COL24A1: variants seen among roughly 807,000 people sequenced by gnomAD.
COL24A1 encodes the protein collagen type XXIV alpha 1 chain.
In COL24A1, 224 loss-of-function variants were observed where a neutral mutation model predicts 253.9. The observed-to-expected ratio is 0.88, with a 90% CI of 0.79 to 0.99. COL24A1 has a LOEUF of 0.99. COL24A1 is among the 50% of genes least tolerant of loss of function. The pLI is 0.00. For synonymous variants in COL24A1, 685 were observed against 673.7 expected (o/e 1.02, Z -0.26); for missense variants, 2,131 against 2,068.5 (o/e 1.03, Z -0.59).
At chr1:85,806,008 G>A (rs1484437521) in intron 47 of COL24A1, among the ~76,000 whole-genome samples, 13 of 151,194 alleles carry the variant, frequency 8.6e-5, no homozygotes, top group East Asian at 1.9e-4. Flanking sequence ...CCAAGGGGGC[G>A]GAGCTTGCAG....
chr1:85,798,801 A>G (rs1484784097), intron 47 of COL24A1, among the ~76,000 whole-genome samples: 1 of 152,206 alleles, frequency 6.6e-6, no homozygotes, highest in African/African-American at 2.4e-5. Context: ...CAAGATTGAA[A>G]GGCCTTGATT....
chr1:86,070,790 A>G (rs762901665), intron 7 of COL24A1, among the ~76,000 whole-genome samples: 4 of 152,186 alleles, frequency 2.6e-5, no homozygotes, highest in Admixed American at 6.5e-5. Flanking sequence ...AACAAAAGTT[A>G]ATGGATTCCA....
chr1:86,136,167 T>C (rs1650221822), intron 2 of COL24A1, among the ~76,000 whole-genome samples: 2 of 152,202 alleles, frequency 1.3e-5, no homozygotes, highest in South Asian at 4.1e-4. Context: ...AGTGAGTAGA[T>C]TTTTGCATTT....
intron 47 of COL24A1, among the ~76,000 whole-genome samples, chr1:85,806,886 C>G (rs1314080152): frequency 1.3e-5 from 2 of 152,180 alleles, no homozygotes; most frequent in African/African-American, 2.4e-5. Flanking sequence ...CCTGTAGTCA[C>G]AAGGCAGATA....
At chr1:85,883,624 A>G (rs1682130041) in intron 32 of COL24A1, 1 of 152,020 alleles carries the variant, frequency 6.6e-6, no homozygotes, top group South Asian at 2.1e-4. Flanking sequence ...GCCACTCTAG[A>G]GTTTGCAATA....
At chr1:85,942,053 T>C in intron 24 of COL24A1, among the ~76,000 whole-genome samples, 1 of 152,166 alleles carries the variant, frequency 6.6e-6, no homozygotes, top group East Asian at 1.9e-4. Flanking sequence ...TTTACTTGTT[T>C]AAGTTATGAA....
chr1:85,822,685 T>C (rs1673776347), intron 45 of COL24A1, among the ~76,000 whole-genome samples: 1 of 152,190 alleles, frequency 6.6e-6, no homozygotes, highest in Admixed American at 6.5e-5. Flanking sequence ...GGTCAAACTT[T>C]AGTCAGGCTC....
At chr1:86,072,640 G>A (rs1257994531) in intron 7 of COL24A1, among the ~76,000 whole-genome samples, 2 of 152,164 alleles carry the variant, frequency 1.3e-5, no homozygotes, top group Non-Finnish European at 2.9e-5. Context: ...TCTACTAAGG[G>A]ATAGACTGCC....
intron 24 of COL24A1, among the ~76,000 whole-genome samples, chr1:85,958,220 T>C (rs766386505): frequency 1.3e-5 from 2 of 152,224 alleles, no homozygotes; most frequent in South Asian, 2.1e-4. Context: ...AATTATGTTA[T>C]ATTGCATATT....
At chr1:86,143,229 T>C (rs980734576) in intron 2 of COL24A1, among the ~76,000 whole-genome samples, 7 of 152,166 alleles carry the variant, frequency 4.6e-5, no homozygotes, top group Non-Finnish European at 1.0e-4. Context: ...AAACTCCATC[T>C]AACACAGATA....
At position 86,088,831 on chromosome 1, in the gene COL24A1, T is replaced by C. The variant is rs188340627; in HGVS notation, c.1707+343A>G. On this transcript the variant is annotated intron_variant, in intron 7 of 59. Transcript: ENST00000370571. Reference sequence around the variant, plus strand: ...TCAGAAGTAGGTCATTTCCCTAATATAGTTTTAAAAAGGAAAGCTTCAATA... The same window carrying C: ...TCAGAAGTAGGTCATTTCCCTAATACAGTTTTAAAAAGGAAAGCTTCAATA... Among the ~76,000 whole-genome samples, 3 of 151,374 alleles carry C rather than the reference T, an allele frequency of 2.0e-5. No individual in the cohort carries two copies. In the East Asian group the frequency reaches 5.8e-4, roughly 29 times the overall value.
Position 86,022,234 on chromosome 1 carries a change from AC to A in COL24A1, c.2256+5del. 6.2e-7 allele frequency: 1 copy of A among 1,612,662 alleles called. No individual in the cohort carries two copies. Among genetic ancestry groups the A allele is most frequent in the South Asian group, 1.1e-5 (1 of 91,058 alleles). On this transcript the variant is annotated splice_donor_5th_base_variant and intron_variant, in intron 18 of 59. Transcript: ENST00000370571. The stretch of plus-strand genomic sequence containing the variant: ...TACAAAGAGCAAAGCAAAAGTTCAA[AC>A]CTACTGAAGGCCCTGACTTTCCTCT...
intron 20 of COL24A1, among the ~76,000 whole-genome samples, chr1:85,984,308 T>C (rs1046078096): frequency 6.6e-6 from 1 of 151,822 alleles, no homozygotes; most frequent in African/African-American, 2.4e-5. Flanking sequence ...AAGTACATAT[T>C]TCTCAATTAC....
At chr1:86,131,749 T>C (rs1371334635) in intron 2 of COL24A1, among the ~76,000 whole-genome samples, 3 of 152,142 alleles carry the variant, frequency 2.0e-5, no homozygotes, top group Non-Finnish European at 4.4e-5. Context: ...ATTTTCTTAA[T>C]CCAGTCTATC....
intron 7 of COL24A1, among the ~76,000 whole-genome samples, chr1:86,082,597 C>T (rs4912462): frequency 0.34 from 49,120 of 146,218 alleles, 8,679 homozygotes; most frequent in Middle Eastern, 0.48. Context: ...AATTTATTTA[C>T]GTAATATATA....
intron 9 of COL24A1, among the ~76,000 whole-genome samples, chr1:86,058,892 C>T (rs1376039664): frequency 6.6e-6 from 1 of 151,970 alleles, no homozygotes; most frequent in Non-Finnish European, 1.5e-5. Context: ...TTTGAAGGTT[C>T]CATTGTACAT....
rs181621918 is a variant in COL24A1, at chr1:85,985,981, C to T, written c.2364+1620G>A. Among the ~76,000 whole-genome samples, 3 of 151,892 alleles carry T rather than the reference C, an allele frequency of 2.0e-5. No individual in the cohort carries two copies. In the East Asian group the frequency reaches 5.8e-4, roughly 29 times the overall value. On this transcript the variant is annotated intron_variant, in intron 20 of 59. Transcript: ENST00000370571. ...CAAATATTGCACCTCCACCTTTTCA[C>T]AAGTTTCTTTTTCCTGAATACCATA...
At chr1:86,153,933 C>A (rs1239202461) in intron 1 of COL24A1, 1 of 151,814 alleles carries the variant, frequency 6.6e-6, no homozygotes, top group East Asian at 1.9e-4. Context: ...TATAAAAGAC[C>A]CCACAAAAGA....
intron 24 of COL24A1, among the ~76,000 whole-genome samples, chr1:85,929,844 A>G (rs1301535123): frequency 6.6e-6 from 1 of 150,826 alleles, no homozygotes; most frequent in Non-Finnish European, 1.5e-5. Context: ...CTGGGTACAT[A>G]ACGAAATGAA....
Sources: allele counts gnomAD v4.1 joint callset (sites outside exome capture counted in the v4.1 genomes callset), GRCh38; gene constraint gnomAD v4.1.1; transcripts MANE v1.5; gene names NCBI Gene and HGNC (gene_info 2026-07-23, HGNC 2026-07-21).